The following USH2A variants were observed in gnomAD, a reference collection of about 807,000 sequenced individuals.
The protein encoded by USH2A is usherin.
In USH2A, 443 loss-of-function variants were observed where a neutral mutation model predicts 538.9. The observed-to-expected ratio is 0.82, with a 90% CI of 0.76 to 0.89. USH2A has a LOEUF of 0.89. Ranked by LOEUF, USH2A falls within the 40% of genes least tolerant of loss-of-function variation. The pLI, the probability that USH2A is intolerant of heterozygous loss-of-function variation, is 0.00. For synonymous variants in USH2A, 2,413 were observed against 2,273.5 expected (o/e 1.06, Z -1.75); for missense variants, 6,633 against 6,324.8 (o/e 1.05, Z -1.65).
intron 32 of USH2A, among the ~76,000 whole-genome samples, chr1:216,026,553 G>A (rs1034776921): frequency 6.6e-6 from 1 of 152,130 alleles, no homozygotes; most frequent in Non-Finnish European, 1.5e-5. Context: ...ATCCTTACCA[G>A]TCTGGCATTC....
At chr1:216,411,076 G>A (rs1387236832) in intron 3 of USH2A, among the ~76,000 whole-genome samples, 1 of 151,256 alleles carries the variant, frequency 6.6e-6, no homozygotes, top group African/African-American at 2.4e-5. Context: ...GTTCAATAGA[G>A]TTCCATTTAA....
chr1:215,818,249 G>T (rs1662914514), intron 47 of USH2A, among the ~76,000 whole-genome samples: 1 of 151,810 alleles, frequency 6.6e-6, no homozygotes, highest in Non-Finnish European at 1.5e-5. Context: ...CATTGTTCAA[G>T]AGTCAACTAT....
At chr1:215,994,996 GA>G (rs1668100719) in intron 34 of USH2A, among the ~76,000 whole-genome samples, 1 of 152,094 alleles carries the variant, frequency 6.6e-6, no homozygotes, top group Admixed American at 6.6e-5. Flanking sequence ...CCTTAGAAGG[GA>G]AAAATGTTGC....
At chr1:215,943,099 C>T (rs777138073) in intron 37 of USH2A, among the ~76,000 whole-genome samples, 25 of 152,114 alleles carry the variant, frequency 1.6e-4, no homozygotes, top group Non-Finnish European at 2.9e-4. Context: ...GGAAGTAGAC[C>T]AAGCTCAGAA....
chr1:215,933,947 C>G (rs183926280), intron 38 of USH2A, among the ~76,000 whole-genome samples: 3 of 151,840 alleles, frequency 2.0e-5, no homozygotes, highest in African/African-American at 7.3e-5. Context: ...TTTCCCGCAA[C>G]GAGTTAAAAC....
intron 32 of USH2A, among the ~76,000 whole-genome samples, chr1:216,042,452 C>T (rs962506965): frequency 6.6e-6 from 1 of 152,098 alleles, no homozygotes; most frequent in African/African-American, 2.4e-5. Flanking sequence ...TACAGATCCA[C>T]TTTAGTAGAC....
chr1:215,821,773 A>T (rs1399373850), intron 47 of USH2A, among the ~76,000 whole-genome samples: 14 of 151,750 alleles, frequency 9.2e-5, no homozygotes, highest in Admixed American at 9.2e-4. Context: ...ATCCATTTTG[A>T]GTTGATTCTT....
chr1:215,940,239 C>T (rs1049513628), intron 37 of USH2A, among the ~76,000 whole-genome samples: 2 of 152,036 alleles, frequency 1.3e-5, no homozygotes, highest in African/African-American at 4.8e-5. Context: ...CTATATTTTT[C>T]TGGTATTAAG....
chr1:216,209,785 GA>G (rs1437279642), intron 15 of USH2A, among the ~76,000 whole-genome samples: 1 of 152,160 alleles, frequency 6.6e-6, no homozygotes, highest in Non-Finnish European at 1.5e-5. Context: ...AGCAGCTTCA[GA>G]ACAATTTAAG....
intron 21 of USH2A, among the ~76,000 whole-genome samples, chr1:216,106,599 T>C (rs2032741573): frequency 6.6e-6 from 1 of 151,356 alleles, no homozygotes; most frequent in African/African-American, 2.4e-5. Context: ...CACTCTCCAT[T>C]CCCCAACACC....
At chr1:215,995,435 A>T (rs991371904) in intron 34 of USH2A, among the ~76,000 whole-genome samples, 3 of 152,208 alleles carry the variant, frequency 2.0e-5, no homozygotes, top group East Asian at 3.8e-4. Flanking sequence ...ATGCATTTAG[A>T]GGGTCCTAAG....
rs1004773777 is a variant in USH2A at position 215,759,765 on chromosome 1, T to C, written c.11126A>G (p.Asn3709Ser). Residue 3709 changes from asparagine (N) to serine (S), a missense_variant, in exon 57 of 72, where the codon AAT becomes AGT. Transcript: ENST00000307340. ...ELYWSLPEKP[N>S]GLVSQYQLSR... ...CAATTGATATTGAGAAACGAGGCCA[T>C]TGGGCTTTTCTGGCAGACTCCAATA... 16 of 1,613,946 alleles carry C rather than the reference T, an allele frequency of 9.9e-6. No individual in the cohort carries two copies. The highest frequency in any genetic ancestry group is 1.6e-4 in the Middle Eastern group (1 of 6,082).
chr1:215,758,869 T>C (rs1455351762), intron 57 of USH2A, 117 bp from the exon 58 acceptor site: 1 of 1,109,916 alleles, frequency 9.0e-7, no homozygotes, highest in East Asian at 2.5e-5. Flanking sequence ...TGCAAACTCT[T>C]TGCCCCCTTT....
rs564142037 is a variant in USH2A, at chr1:215,761,124, C to A, written c.11048-1281G>T. On this transcript the variant is annotated intron_variant, in intron 56 of 71. Coordinates refer to ENST00000307340, the MANE Select transcript of USH2A (RefSeq NM_206933.4). The stretch of plus-strand genomic sequence containing the variant: ...AGAATGCTTCTAGTTATTTCCTACA[C>A]CTGGGCTTTTGAACTTCGGTTCCTT... 7.2e-5 allele frequency among the ~76,000 whole-genome samples: 11 copies of A among 152,280 alleles called. No individual in the cohort carries two copies. In the East Asian group the frequency reaches 2.1e-3, roughly 29 times the overall value.
chr1:215,912,524 T>TAC (rs1665835037), intron 38 of USH2A, among the ~76,000 whole-genome samples: 1 of 54,484 alleles, frequency 1.8e-5, no homozygotes, highest in African/African-American at 6.6e-5. Flanking sequence ...TGTATATATA[T>TAC]ATATATATAT....
chr1:215,770,396 A>G (rs1661244291), intron 55 of USH2A, among the ~76,000 whole-genome samples: 1 of 152,070 alleles, frequency 6.6e-6, no homozygotes, highest in African/African-American at 2.4e-5. Context: ...AATTGTATAC[A>G]CTGTAGTTGC....
chr1:216,315,410 T>C (rs543080704), intron 9 of USH2A, among the ~76,000 whole-genome samples: 1 of 152,110 alleles, frequency 6.6e-6, no homozygotes, highest in Non-Finnish European at 1.5e-5. Flanking sequence ...CTAATCTGTA[T>C]TGATAGAAAT....
chr1:215,700,972 G>A (rs538562607), intron 61 of USH2A, among the ~76,000 whole-genome samples: 9 of 152,278 alleles, frequency 5.9e-5, no homozygotes, highest in Middle Eastern at 3.4e-3. Flanking sequence ...TCTAAACACT[G>A]CTTTAGCTGT....
At chr1:216,232,187 T>C in intron 13 of USH2A, 51 bp from the exon 14 acceptor site, 1 of 1,547,972 alleles carries the variant, frequency 6.5e-7, no homozygotes, top group Non-Finnish European at 8.8e-7. Flanking sequence ...TCCACTCTTT[T>C]ATTTAAAGCA....
Sources: gnomAD v4.1 joint callset for allele counts (sites outside exome capture counted in the v4.1 genomes callset) on GRCh38, gnomAD v4.1.1 for gene constraint, MANE v1.5 for transcripts, NCBI Gene and HGNC (gene_info 2026-07-23, HGNC 2026-07-21) for gene names.